Variants in SPIDR observed in about 807,000 individuals in gnomAD.
The protein encoded by SPIDR is DNA repair-scaffolding protein.
A neutral mutation model predicts 104.6 loss-of-function variants in SPIDR; 93 were observed. The ratio of observed to expected loss-of-function variants is 0.89; its 90% CI spans 0.75 to 1.06. The LOEUF is 1.06. Ranked by LOEUF, SPIDR falls within the 50% of genes least tolerant of loss-of-function variation. The probability of loss-of-function intolerance (pLI) is 0.00; values close to 1 mark genes in which losing one functional copy is unlikely to be tolerated. For synonymous variants in SPIDR, 431 were observed against 416.9 expected, an observed-to-expected ratio of 1.03 and a Z score of -0.41; for missense variants, 1,154 against 1,111.2, an observed-to-expected ratio of 1.04 and a Z score of -0.55.
At chr8:47,604,101 A>G (rs1050560178) in intron 10 of SPIDR, among the ~76,000 whole-genome samples, 1 of 152,214 alleles carries the variant, frequency 6.6e-6, no homozygotes, top group Admixed American at 6.5e-5. Flanking sequence ...CAACAAATGC[A>G]TTTATGATTA....
chr8:47,584,397 A>G (rs1168188494), intron 8 of SPIDR, among the ~76,000 whole-genome samples: 1 of 152,344 alleles, frequency 6.6e-6, no homozygotes, highest in Admixed American at 6.5e-5. Context: ...AGAAACAGGT[A>G]ATATGCTAAT....
At chr8:47,673,778 C>T in intron 10 of SPIDR, 23 bp from the exon 11 acceptor site, 1 of 1,613,876 alleles carries the variant, frequency 6.2e-7, no homozygotes, top group African/African-American at 1.3e-5. Flanking sequence ...TCCTCAAAGA[C>T]AAATGTGAAT....
chr8:47,310,904 T>G (rs1554584648), intron 5 of SPIDR, among the ~76,000 whole-genome samples: 1 of 152,196 alleles, frequency 6.6e-6, no homozygotes, highest in Admixed American at 6.5e-5. Flanking sequence ...AAATGTACTA[T>G]GCACAGTGTC....
chr8:47,455,440 C>T (rs1475606070), intron 8 of SPIDR, among the ~76,000 whole-genome samples: 1 of 151,156 alleles, frequency 6.6e-6, no homozygotes, highest in Non-Finnish European at 1.5e-5. Flanking sequence ...AGAAAAATAT[C>T]TAGTAATGAA....
intron 8 of SPIDR, among the ~76,000 whole-genome samples, chr8:47,466,729 A>G (rs2154355602): frequency 6.6e-6 from 1 of 151,314 alleles, no homozygotes; most frequent in Middle Eastern, 3.4e-3. Flanking sequence ...GTTAGATTCC[A>G]ATTTAACAAC....
At chr8:47,600,010 G>A (rs1005862645) in intron 10 of SPIDR, among the ~76,000 whole-genome samples, 27 of 151,986 alleles carry the variant, frequency 1.8e-4, no homozygotes, top group Middle Eastern at 3.4e-3. Context: ...CACCCGCCTC[G>A]GCCTCCCAAA....
At chr8:47,356,176 C>CG (rs1156618251) in intron 5 of SPIDR, among the ~76,000 whole-genome samples, 1 of 152,134 alleles carries the variant, frequency 6.6e-6, no homozygotes, top group East Asian at 1.9e-4. Context: ...GTGATAACAG[C>CG]GTAATAGATA....
chr8:47,572,345 T>A (rs2058616149), intron 8 of SPIDR, among the ~76,000 whole-genome samples: 1 of 151,982 alleles, frequency 6.6e-6, no homozygotes, highest in Admixed American at 6.6e-5. Flanking sequence ...TTATCAGTAA[T>A]AAACTGGTCA....
chr8:47,711,531 A>T (rs530202512), intron 14 of SPIDR, among the ~76,000 whole-genome samples: 2 of 151,826 alleles, frequency 1.3e-5, no homozygotes, highest in Non-Finnish European at 2.9e-5. Context: ...GCTGGTTAAG[A>T]ATGTTACTTA....
chr8:47,383,164 G>A (rs1286823265), intron 5 of SPIDR, among the ~76,000 whole-genome samples: 3 of 152,306 alleles, frequency 2.0e-5, no homozygotes, highest in East Asian at 1.9e-4. Flanking sequence ...TTGCCAAACA[G>A]CTGCTTTTCC....
At chr8:47,579,634 TA>T (rs1169586656) in intron 8 of SPIDR, among the ~76,000 whole-genome samples, 1 of 152,194 alleles carries the variant, frequency 6.6e-6, no homozygotes, top group Non-Finnish European at 1.5e-5. Context: ...ACAGTACATA[TA>T]AATCTTTCCA....
intron 5 of SPIDR, among the ~76,000 whole-genome samples, chr8:47,335,823 C>T (rs1199089133): frequency 1.3e-5 from 2 of 152,112 alleles, no homozygotes; most frequent in African/African-American, 2.4e-5. Flanking sequence ...ATCTTTGCTT[C>T]TCTGTAAATA....
intron 5 of SPIDR, among the ~76,000 whole-genome samples, chr8:47,334,197 T>C (rs532964143): frequency 1.2e-4 from 19 of 152,360 alleles, no homozygotes; most frequent in South Asian, 1.0e-3. Flanking sequence ...TAGAATGTTA[T>C]CTGTTTTGAT....
intron 5 of SPIDR, among the ~76,000 whole-genome samples, chr8:47,363,967 C>T (rs1412845792): frequency 1.3e-5 from 2 of 151,778 alleles, no homozygotes; most frequent in Non-Finnish European, 2.9e-5. Flanking sequence ...GTGGTAGATA[C>T]CCCTGTAGAG....
chr8:47,527,934 G>A (rs1036285391), intron 8 of SPIDR: 2 of 152,148 alleles, frequency 1.3e-5, no homozygotes, highest in African/African-American at 4.8e-5. Flanking sequence ...TGGAGATGGT[G>A]TGTCTTGATT....
intron 8 of SPIDR, among the ~76,000 whole-genome samples, chr8:47,568,647 T>C (rs1057305965): frequency 6.6e-6 from 1 of 152,104 alleles, no homozygotes; most frequent in African/African-American, 2.4e-5. Context: ...TGCAGCACAC[T>C]GGAGCCAGGG....
At chr8:47,468,601 G>A (rs1378927481) in intron 8 of SPIDR, among the ~76,000 whole-genome samples, 3 of 152,172 alleles carry the variant, frequency 2.0e-5, no homozygotes, top group African/African-American at 7.2e-5. Flanking sequence ...CAAGCAATAG[G>A]AAAAGGACTC....
chr8:47,680,104 A>G (rs191036880), intron 11 of SPIDR, among the ~76,000 whole-genome samples: 1 of 152,346 alleles, frequency 6.6e-6, no homozygotes, highest in East Asian at 1.9e-4. Context: ...GCCTCTGGAC[A>G]CAGACCCTCG....
At chr8:47,505,775 T>C (rs780431566) in intron 8 of SPIDR, among the ~76,000 whole-genome samples, 5 of 152,190 alleles carry the variant, frequency 3.3e-5, no homozygotes, top group Non-Finnish European at 7.3e-5. Context: ...TGATCTGTGG[T>C]CATCTAGTGA....
Sources: allele counts gnomAD v4.1 joint callset (sites outside exome capture counted in the v4.1 genomes callset), GRCh38; gene constraint gnomAD v4.1.1; transcripts MANE v1.5; gene names NCBI Gene and HGNC (gene_info 2026-07-23, HGNC 2026-07-21).